The following OTUD7A variants were observed in gnomAD, a reference collection of about 807,000 sequenced individuals.
OTUD7A encodes OTU domain-containing protein 7A.
OTUD7A carries 12 observed loss-of-function variants against 65.7 expected under a neutral mutation model. The observed-to-expected ratio is 0.18, with a 90% CI of 0.12 to 0.30. The LOEUF (loss-of-function observed/expected upper bound fraction) is 0.30, where lower values mean the gene tolerates loss of function less well. OTUD7A is among the 10% of genes least tolerant of loss of function. The pLI is 1.00. For missense variants in OTUD7A, 1,148 were observed against 1,304.8 expected (o/e 0.88, Z 1.85); for synonymous variants, 641 against 586.3 (o/e 1.09, Z -1.35).
At chr15:31,526,278 C>T (rs1595583937) in intron 8 of OTUD7A, 71 bp downstream of exon 8, 1 of 1,395,010 alleles carries the variant, frequency 7.2e-7, no homozygotes, top group East Asian at 2.6e-5. Context: ...TGCCATCCCC[C>T]CATGCTGTGT....
chr15:31,572,890 T>C (rs1262205417), intron 3 of OTUD7A, among the ~76,000 whole-genome samples: 1 of 151,486 alleles, frequency 6.6e-6, no homozygotes, highest in Non-Finnish European at 1.5e-5. Context: ...ATACCGAGTA[T>C]AGGTAAAAAA....
At chr15:31,663,947 C>T (rs1478471173) in intron 1 of OTUD7A, among the ~76,000 whole-genome samples, 4 of 152,146 alleles carry the variant, frequency 2.6e-5, no homozygotes, top group Non-Finnish European at 5.9e-5. Flanking sequence ...TCCTGAGTTA[C>T]TTCACTTAGA....
At chr15:31,772,251 C>CA (rs34676002) in intron 1 of OTUD7A, among the ~76,000 whole-genome samples, 22,615 of 80,320 alleles carry the variant, frequency 0.28, 2,511 homozygotes, top group Admixed American at 0.35. Context: ...GACTCCGTCT[C>CA]AAAAAAAAAA....
At chr15:31,606,558 T>C (rs1890245274) in intron 3 of OTUD7A, among the ~76,000 whole-genome samples, 2 of 152,210 alleles carry the variant, frequency 1.3e-5, no homozygotes, top group African/African-American at 4.8e-5. Flanking sequence ...AAAATCCCTA[T>C]ACTGCAAATA....
chr15:31,690,745 T>C (rs1892942574), intron 1 of OTUD7A, among the ~76,000 whole-genome samples: 1 of 152,192 alleles, frequency 6.6e-6, no homozygotes, highest in South Asian at 2.1e-4. Context: ...ATAATGAAGT[T>C]AGACTCTTAC....
At chr15:31,849,526 C>T (rs534883628) in intron 1 of OTUD7A, among the ~76,000 whole-genome samples, 43 of 152,244 alleles carry the variant, frequency 2.8e-4, no homozygotes, top group African/African-American at 8.7e-4. Flanking sequence ...CCAAAAGCAA[C>T]GGCAACAAAA....
At chr15:31,703,847 T>G (rs1215727549) in intron 1 of OTUD7A, among the ~76,000 whole-genome samples, 1 of 150,960 alleles carries the variant, frequency 6.6e-6, no homozygotes, top group African/African-American at 2.4e-5. Flanking sequence ...CTAAACAAAC[T>G]GTGGAATGCC....
At chr15:31,723,941 T>A (rs967077423) in intron 1 of OTUD7A, among the ~76,000 whole-genome samples, 6 of 115,706 alleles carry the variant, frequency 5.2e-5, no homozygotes, top group African/African-American at 2.0e-4. Context: ...AGACTGGACA[T>A]CTTTCTTATT....
chr15:31,834,647 T>C (rs946982275), intron 1 of OTUD7A, among the ~76,000 whole-genome samples: 13 of 152,222 alleles, frequency 8.5e-5, no homozygotes, highest in Non-Finnish European at 2.9e-5. Context: ...ATGTATTCTT[T>C]AGGCCAATTG....
intron 8 of OTUD7A, among the ~76,000 whole-genome samples, chr15:31,505,518 G>A (rs2041546504): frequency 6.6e-6 from 1 of 152,012 alleles, no homozygotes; most frequent in Non-Finnish European, 1.5e-5. Flanking sequence ...AGGCTTTGAA[G>A]AGAAAACTCT....
chr15:31,638,500 C>T (rs1460937714), intron 3 of OTUD7A, among the ~76,000 whole-genome samples: 1 of 151,276 alleles, frequency 6.6e-6, no homozygotes, highest in African/African-American at 2.4e-5. Flanking sequence ...CCACCTCAGC[C>T]TCCCCAGTAG....
chr15:31,606,213 G>A (rs1890234997), intron 3 of OTUD7A, among the ~76,000 whole-genome samples: 1 of 152,154 alleles, frequency 6.6e-6, no homozygotes, highest in Admixed American at 6.5e-5. Context: ...GATATGCAGG[G>A]TTGTTGTGAA....
At chr15:31,547,299 G>T (rs1357000054) in intron 5 of OTUD7A, among the ~76,000 whole-genome samples, 1 of 152,168 alleles carries the variant, frequency 6.6e-6, no homozygotes, top group Non-Finnish European at 1.5e-5. Context: ...TATAAACAAG[G>T]CTACAACATA....
At chr15:31,717,462 C>T (rs1893621010) in intron 1 of OTUD7A, among the ~76,000 whole-genome samples, 1 of 152,200 alleles carries the variant, frequency 6.6e-6, no homozygotes, top group South Asian at 2.1e-4. Flanking sequence ...CATTGTTCAA[C>T]TCCCACTTAT....
intron 3 of OTUD7A, among the ~76,000 whole-genome samples, chr15:31,614,578 C>T (rs993606172): frequency 6.6e-6 from 1 of 151,932 alleles, no homozygotes; most frequent in Non-Finnish European, 1.5e-5. Flanking sequence ...TACATAAATG[C>T]CAGTCTACAG....
chr15:31,537,809 TC>T (rs1192363456), intron 5 of OTUD7A, among the ~76,000 whole-genome samples: 1 of 152,224 alleles, frequency 6.6e-6, no homozygotes, highest in African/African-American at 2.4e-5. Flanking sequence ...CTGCTAGTGC[TC>T]TGGGCAACCA....
At chr15:31,836,953 A>G (rs763493547) in intron 1 of OTUD7A, among the ~76,000 whole-genome samples, 3 of 152,200 alleles carry the variant, frequency 2.0e-5, no homozygotes, top group Non-Finnish European at 4.4e-5. Context: ...CATTCTCACC[A>G]TTGCTATTCC....
In OTUD7A at chr15:31,478,348, G is replaced by GTATATATA; in HGVS notation, c.*4938_*4945dup. On this transcript the variant is annotated 3_prime_UTR_variant, in exon 13 of 13. Transcript: ENST00000307050. ...GCCTTATGTTAAACTAACAAATTAT[G>GTATATATA]TATATATATATCCTTGATATGCTCT... 6.6e-6 allele frequency: 1 copy of GTATATATA among 151,986 alleles called. No homozygotes were observed. Among genetic ancestry groups the GTATATATA allele is most frequent in the East Asian group, 1.9e-4 (1 of 5,160 alleles). 9.4% of individuals were successfully genotyped at this position (151,986 alleles called of 1,614,324 possible). A position where few individuals can be genotyped will look rare whatever the true frequency, so the allele number is the denominator to read the frequency against.
chr15:31,623,067 TGCA>T (rs1475679044), intron 3 of OTUD7A, among the ~76,000 whole-genome samples: 2 of 152,250 alleles, frequency 1.3e-5, no homozygotes, highest in Non-Finnish European at 2.9e-5. Flanking sequence ...CAGCAGAGGC[TGCA>T]GAACAGCGAA....
Sources: gnomAD v4.1 joint callset for allele counts (sites outside exome capture counted in the v4.1 genomes callset) on GRCh38, gnomAD v4.1.1 for gene constraint, MANE v1.5 for transcripts, NCBI Gene and HGNC (gene_info 2026-07-23, HGNC 2026-07-21) for gene names.